ADAMTSL1: variants seen among roughly 807,000 people sequenced by gnomAD.
ADAMTSL1 encodes ADAMTS like 1, also known as ADAMTS-like protein 1.
ADAMTSL1 carries 126 observed loss-of-function variants against 201.8 expected under a neutral mutation model. The observed-to-expected ratio is 0.62, with a 90% CI of 0.54 to 0.72. The LOEUF (loss-of-function observed/expected upper bound fraction) is 0.72, where lower values mean the gene tolerates loss of function less well. ADAMTSL1 is among the 30% of genes least tolerant of loss of function. The probability of loss-of-function intolerance (pLI) is 0.00; values close to 1 mark genes in which losing one functional copy is unlikely to be tolerated. For missense variants in ADAMTSL1, 2,679 were observed against 2,277.8 expected (o/e 1.18, Z -3.59); for synonymous variants, 1,121 against 903.4 (o/e 1.24, Z -4.32).
chr9:18,650,829 C>A (rs1398532243), intron 7 of ADAMTSL1, among the ~76,000 whole-genome samples: 1 of 152,120 alleles, frequency 6.6e-6, no homozygotes. Context: ...TAATCTGCTG[C>A]TTACTGGGTG....
chr9:18,522,461 T>A (rs1818756637), intron 2 of ADAMTSL1, among the ~76,000 whole-genome samples: 1 of 152,138 alleles, frequency 6.6e-6, no homozygotes, highest in African/African-American at 2.4e-5. Context: ...TTTATTATAC[T>A]TTAAGTTCTA....
chr9:18,155,618 A>G (rs142269068), intron 1 of ADAMTSL1, among the ~76,000 whole-genome samples: 1 of 152,156 alleles, frequency 6.6e-6, no homozygotes, highest in East Asian at 1.9e-4. Flanking sequence ...ATGCCTCAAG[A>G]CAATTCTTCT....
intron 2 of ADAMTSL1, among the ~76,000 whole-genome samples, chr9:18,225,539 A>G (rs1371601817): frequency 2.0e-5 from 3 of 152,158 alleles, no homozygotes; most frequent in Admixed American, 1.3e-4. Context: ...TACGTTATTA[A>G]CGTAGATTGA....
chr9:18,679,153 A>T (rs1480477538), intron 10 of ADAMTSL1, among the ~76,000 whole-genome samples: 1 of 152,170 alleles, frequency 6.6e-6, no homozygotes, highest in Non-Finnish European at 1.5e-5. Flanking sequence ...AATCAAACTC[A>T]CAATGTACAC....
At chr9:18,026,267 G>A (rs1489697970) in intron 1 of ADAMTSL1, among the ~76,000 whole-genome samples, 1 of 151,956 alleles carries the variant, frequency 6.6e-6, no homozygotes, top group African/African-American at 2.4e-5. Flanking sequence ...GTGAAAATAA[G>A]CATTCTTGTC....
intron 1 of ADAMTSL1, among the ~76,000 whole-genome samples, chr9:18,142,877 A>G (rs960324910): frequency 8.5e-5 from 13 of 152,144 alleles, no homozygotes; most frequent in African/African-American, 2.9e-4. Flanking sequence ...GCTAGTTTCT[A>G]CCCTAAACTT....
intron 2 of ADAMTSL1, among the ~76,000 whole-genome samples, chr9:18,256,082 A>T: frequency 6.6e-6 from 1 of 152,358 alleles, no homozygotes; most frequent in South Asian, 2.1e-4. Context: ...TCTCACTCTT[A>T]TCATGAGATT....
chr9:18,862,222 G>A (rs111647796), intron 23 of ADAMTSL1, among the ~76,000 whole-genome samples: 87 of 152,296 alleles, frequency 5.7e-4, no homozygotes, highest in African/African-American at 2.0e-3. Flanking sequence ...GGCTGTGAGC[G>A]AAGGTTCTTT....
At chr9:18,031,880 T>A (rs1377845701) in intron 1 of ADAMTSL1, among the ~76,000 whole-genome samples, 3 of 152,148 alleles carry the variant, frequency 2.0e-5, no homozygotes, top group Non-Finnish European at 4.4e-5. Flanking sequence ...AGTGGTCTGA[T>A]GATACAGGGG....
intron 23 of ADAMTSL1, among the ~76,000 whole-genome samples, chr9:18,837,497 T>C (rs1825387356): frequency 6.6e-6 from 1 of 152,228 alleles, no homozygotes; most frequent in Non-Finnish European, 1.5e-5. Flanking sequence ...CTATAAATCA[T>C]AAGGTCTGGC....
intron 13 of ADAMTSL1, among the ~76,000 whole-genome samples, chr9:18,687,669 C>T (rs889760893): frequency 6.6e-6 from 1 of 152,154 alleles, no homozygotes; most frequent in African/African-American, 2.4e-5. Context: ...TGAAGATAAC[C>T]TTGTTCGATG....
intron 13 of ADAMTSL1, among the ~76,000 whole-genome samples, chr9:18,695,991 C>T (rs1368972159): frequency 6.6e-6 from 1 of 152,170 alleles, no homozygotes; most frequent in African/African-American, 2.4e-5. Flanking sequence ...GCACATCTTA[C>T]ATGGCCAGAG....
At chr9:17,921,909 G>C (rs1172005483) in intron 1 of ADAMTSL1, among the ~76,000 whole-genome samples, 1 of 151,966 alleles carries the variant, frequency 6.6e-6, no homozygotes, top group East Asian at 1.9e-4. Context: ...AGTAAACATA[G>C]TCTAACCTAT....
intron 23 of ADAMTSL1, among the ~76,000 whole-genome samples, chr9:18,877,477 A>C (rs1828238968): frequency 6.6e-6 from 1 of 152,088 alleles, no homozygotes; most frequent in African/African-American, 2.4e-5. Context: ...CTGGGAGCTG[A>C]ACTGCAGTGA....
At chr9:18,422,771 C>A (rs1223694450) in intron 2 of ADAMTSL1, among the ~76,000 whole-genome samples, 1 of 152,194 alleles carries the variant, frequency 6.6e-6, no homozygotes, top group Admixed American at 6.5e-5. Context: ...TGGCCTCTGT[C>A]ACAGCCTTCC....
At chr9:18,656,638 A>AAAAAAAAG (rs1292434575) in intron 7 of ADAMTSL1, among the ~76,000 whole-genome samples, 5 of 151,586 alleles carry the variant, frequency 3.3e-5, no homozygotes, top group Non-Finnish European at 5.9e-5. Flanking sequence ...CAAAAAAAAA[A>AAAAAAAAG]AAAAAAAGAA....
chr9:18,230,624 G>A (rs1365714256), intron 2 of ADAMTSL1, among the ~76,000 whole-genome samples: 1 of 152,012 alleles, frequency 6.6e-6, no homozygotes, highest in Non-Finnish European at 1.5e-5. Context: ...ATCTAGAGAA[G>A]AATTACTCTA....
chr9:18,432,073 A>G (rs1235051046), intron 2 of ADAMTSL1, among the ~76,000 whole-genome samples: 1 of 152,218 alleles, frequency 6.6e-6, no homozygotes, highest in Admixed American at 6.5e-5. Context: ...AGAATGTGAC[A>G]TATATCTCTT....
At chr9:18,124,765 C>T (rs908512615) in intron 1 of ADAMTSL1, among the ~76,000 whole-genome samples, 4 of 152,138 alleles carry the variant, frequency 2.6e-5, no homozygotes, top group African/African-American at 9.7e-5. Flanking sequence ...TACTTGACTC[C>T]TTTGCAATTC....
Sources: gnomAD v4.1 joint callset for allele counts (sites outside exome capture counted in the v4.1 genomes callset) on GRCh38, gnomAD v4.1.1 for gene constraint, MANE v1.5 for transcripts, NCBI Gene and HGNC (gene_info 2026-07-23, HGNC 2026-07-21) for gene names.